HDAC9: variants seen among roughly 807,000 people sequenced by gnomAD.
HDAC9 encodes the protein histone deacetylase 9.
Under a neutral mutation model 139.4 loss-of-function variants are expected in HDAC9, and 41 were observed. That is an observed-to-expected ratio of 0.29 (90% CI 0.23 to 0.38). The LOEUF is 0.38. Among genes scored for constraint, HDAC9 ranks in the 10% least tolerant of loss-of-function variants. The pLI is 1.00. For synonymous variants in HDAC9, 517 were observed against 476.2 expected (o/e 1.09, Z -1.12); for missense variants, 1,147 against 1,297.0 (o/e 0.88, Z 1.78).
intron 2 of HDAC9, among the ~76,000 whole-genome samples, chr7:18,574,105 A>G (rs1825208656): frequency 6.6e-6 from 1 of 152,254 alleles, no homozygotes; most frequent in South Asian, 2.1e-4. Flanking sequence ...CAAGAGACCC[A>G]AAGTGGGCAG....
At chr7:18,218,152 G>A (rs1366806637) in intron 2 of HDAC9, among the ~76,000 whole-genome samples, 1 of 152,136 alleles carries the variant, frequency 6.6e-6, no homozygotes, top group East Asian at 1.9e-4. Context: ...ACTTTCAGAA[G>A]TTACATACTG....
At chr7:18,337,987 A>G (rs1276021145) in intron 1 of HDAC9, among the ~76,000 whole-genome samples, 2 of 151,770 alleles carry the variant, frequency 1.3e-5, no homozygotes, top group East Asian at 1.9e-4. Flanking sequence ...GAGATAATCA[A>G]TGTGAAAATG....
At chr7:18,459,040 C>A (rs1047320552) in intron 1 of HDAC9, 3 of 642,020 alleles carry the variant, frequency 4.7e-6, no homozygotes, top group African/African-American at 3.6e-5. Context: ...CCAGTTTTGC[C>A]ACGGGCTACT....
chr7:18,252,767 C>T (rs1407233026), intron 2 of HDAC9, among the ~76,000 whole-genome samples: 1 of 151,696 alleles, frequency 6.6e-6, no homozygotes, highest in Non-Finnish European at 1.5e-5. Flanking sequence ...GTTATTTGCT[C>T]ATGTTTATAT....
At chr7:18,348,611 T>C (rs1782605204) in intron 1 of HDAC9, among the ~76,000 whole-genome samples, 1 of 152,222 alleles carries the variant, frequency 6.6e-6, no homozygotes, top group African/African-American at 2.4e-5. Context: ...TCTGTTGTTC[T>C]GAGCTGTGGT....
intron 7 of HDAC9, among the ~76,000 whole-genome samples, chr7:18,631,864 A>G (rs1046637063): frequency 4.6e-5 from 7 of 152,100 alleles, no homozygotes; most frequent in Non-Finnish European, 7.4e-5. Context: ...ATCAGTTGCT[A>G]TCTTCTCCCA....
chr7:18,129,980 C>T lies in HDAC9; in HGVS notation c.-96-32249C>T, dbSNP rs1254939602. Among the ~76,000 whole-genome samples, 5 of 152,212 alleles carry T rather than the reference C, an allele frequency of 3.3e-5. No individual in the cohort carries two copies. The East Asian group carries it at 5.8e-4, about 18-fold the overall frequency. ...GAAGCTAAGAGAGATCTACTCTTGACGATGATTAGTTCTTGGCTAGACAAA... is the reference window on the plus strand; with the variant it reads ...GAAGCTAAGAGAGATCTACTCTTGATGATGATTAGTTCTTGGCTAGACAAA... On this transcript the variant is annotated intron_variant, in intron 1 of 12. Coordinates refer to the HDAC9 transcript ENST00000417496.
At chr7:18,869,657 G>A (rs1798767055) in intron 21 of HDAC9, among the ~76,000 whole-genome samples, 1 of 152,164 alleles carries the variant, frequency 6.6e-6, no homozygotes, top group Admixed American at 6.5e-5. Context: ...AACTGAATTG[G>A]AGGACACCCA....
intron 1 of HDAC9, among the ~76,000 whole-genome samples, chr7:18,128,180 T>C (rs1784789115): frequency 6.6e-6 from 1 of 152,022 alleles, no homozygotes; most frequent in South Asian, 2.1e-4. Flanking sequence ...AACTTGTACC[T>C]TTACCAAAAA....
chr7:18,835,719 C>T (rs2129211034), intron 20 of HDAC9, 133 bp downstream of exon 20: 4 of 1,296,350 alleles, frequency 3.1e-6, no homozygotes, highest in South Asian at 2.5e-5. Flanking sequence ...TCCCATGGGA[C>T]CAAGAACCAG....
intron 1 of HDAC9, among the ~76,000 whole-genome samples, chr7:18,346,901 A>G (rs533573358): frequency 1.2e-4 from 18 of 152,252 alleles, no homozygotes; most frequent in Non-Finnish European, 2.4e-4. Context: ...CCAATCCACC[A>G]CTTTGTTTTC....
chr7:18,636,733 A>G (rs1444203726), intron 8 of HDAC9, among the ~76,000 whole-genome samples: 1 of 152,060 alleles, frequency 6.6e-6, no homozygotes, highest in Non-Finnish European at 1.5e-5. Flanking sequence ...TACTTTGTTT[A>G]TATTTGCAGC....
intron 2 of HDAC9, among the ~76,000 whole-genome samples, chr7:18,275,768 C>T (rs1796678648): frequency 6.6e-6 from 1 of 152,138 alleles, no homozygotes; most frequent in African/African-American, 2.4e-5. Context: ...TACCACTGAG[C>T]CCTTCACTAG....
At chr7:18,752,834 A>C (rs988171285) in intron 14 of HDAC9, among the ~76,000 whole-genome samples, 4 of 152,110 alleles carry the variant, frequency 2.6e-5, no homozygotes, top group African/African-American at 9.7e-5. Flanking sequence ...CTGTGTAGCC[A>C]CTTCTGGTAA....
At chr7:18,980,673 G>C (rs200959838) in intron 25 of HDAC9, among the ~76,000 whole-genome samples, 2 of 86,756 alleles carry the variant, frequency 2.3e-5, no homozygotes, top group Non-Finnish European at 4.6e-5. Context: ...TGTTCTTCTT[G>C]TTCTTGTTCT....
At chr7:18,933,013 G>T (rs1360801106) in intron 22 of HDAC9, among the ~76,000 whole-genome samples, 1 of 152,134 alleles carries the variant, frequency 6.6e-6, no homozygotes, top group East Asian at 1.9e-4. Context: ...ATAGGTCCTA[G>T]AAGGTAGTGT....
rs181228719 is a variant in HDAC9 at position 18,181,897 on chromosome 7, A to T, written c.25+19548A>T. Among the ~76,000 whole-genome samples the T allele has an allele frequency of 4.1e-4, 62 of 152,356 alleles. 1 individual carries two copies. Among genetic ancestry groups the T allele is most frequent in the Middle Eastern group, 6.8e-3 (2 of 294 alleles). The stretch of plus-strand genomic sequence containing the variant: ...AATACTGTAAGTTTTCTCAGGATAT[A>T]TAGAAACAAAATAGTTTGGATACTC... On this transcript the variant is annotated intron_variant, in intron 2 of 12. Transcript: ENST00000417496.
chr7:18,843,962 C>G (rs1279586004), intron 21 of HDAC9, among the ~76,000 whole-genome samples: 1 of 152,148 alleles, frequency 6.6e-6, no homozygotes, highest in Non-Finnish European at 1.5e-5. Flanking sequence ...GAAGTTCACA[C>G]TGTTTTCTGA....
intron 1 of HDAC9, among the ~76,000 whole-genome samples, chr7:18,461,479 G>C (rs1456306170): frequency 1.3e-5 from 2 of 152,096 alleles, no homozygotes; most frequent in African/African-American, 4.8e-5. Context: ...TTCCTAAAAT[G>C]TTTATAATAT....
Sources: allele counts gnomAD v4.1 joint callset (sites outside exome capture counted in the v4.1 genomes callset), GRCh38; gene constraint gnomAD v4.1.1; transcripts MANE v1.5; gene names NCBI Gene and HGNC (gene_info 2026-07-23, HGNC 2026-07-21).